Variants in DIP2C observed in about 807,000 individuals in gnomAD.
DIP2C encodes the protein DIP2 acetate--CoA ligase C (putative), also known as disco-interacting protein 2 homolog C.
Under a neutral mutation model 192.4 loss-of-function variants are expected in DIP2C, and 33 were observed. That is an observed-to-expected ratio of 0.17 (90% CI 0.13 to 0.23). DIP2C has a LOEUF of 0.23. Among genes scored for constraint, DIP2C ranks in the 10% least tolerant of loss-of-function variants. The pLI is 1.00. For synonymous variants in DIP2C, 979 were observed against 864.1 expected, an observed-to-expected ratio of 1.13 and a Z score of -2.33; for missense variants, 1,537 against 2,110.1, an observed-to-expected ratio of 0.73 and a Z score of 5.32.
intron 1 of DIP2C, among the ~76,000 whole-genome samples, chr10:531,622 CGGTGTCA>C (rs1197221977): frequency 1.3e-5 from 2 of 152,156 alleles, no homozygotes; most frequent in Admixed American, 1.3e-4. Context: ...TCGGGAAAGG[CGGTGTCA>C]CCGGCAAACC....
intron 3 of DIP2C, chr10:441,215 T>C (rs182127758): frequency 3.3e-5 from 18 of 549,412 alleles, no homozygotes; most frequent in Middle Eastern, 5.0e-4. Context: ...AGAATCCATA[T>C]CCATAAGCAA....
chr10:580,510 CAT>C lies in DIP2C; in HGVS notation c.86-93982_86-93981del, dbSNP rs201546112. Among the ~76,000 whole-genome samples the C allele has an allele frequency of 5.1e-3, 772 of 152,244 alleles. 18 individuals carry two copies. Among genetic ancestry groups the C allele is most frequent in the Admixed American group, 0.038 (576 of 15,294 alleles). ...CAAATAGTGTGGATATAATAGTGCC[CAT>C]AGTTATGCACATATGTACACATGTA... On this transcript the variant is annotated intron_variant, in intron 1 of 36. Transcript: ENST00000280886.
At position 356,548 on chromosome 10, in the gene DIP2C, G is replaced by A. The variant is rs1021558600; in HGVS notation, c.2905-42C>T. 3.8e-6 allele frequency: 6 copies of A among 1,572,638 alleles called. No individual in the cohort carries two copies. The African/African-American group carries it at 8.1e-5, about 21-fold the overall frequency. On this transcript the variant is annotated intron_variant, in intron 23 of 36. Transcript: ENST00000280886. ...GCATGAGGATCAGGCTGTGCGGTTG[G>A]ATCAGGCTGTGCGGGCTGAGGTGGG...
intron 29 of DIP2C, among the ~76,000 whole-genome samples, chr10:331,469 T>G (rs908419851): frequency 6.6e-6 from 1 of 152,206 alleles, no homozygotes; most frequent in Non-Finnish European, 1.5e-5. Context: ...GCTTCAACCA[T>G]GAATCAAAGA....
chr10:609,663 T>C (rs189631633), intron 1 of DIP2C, among the ~76,000 whole-genome samples: 187 of 152,368 alleles, frequency 1.2e-3, no homozygotes, highest in African/African-American at 3.9e-3. Context: ...GGATAACTTG[T>C]GTTTCTTTCC....
chr10:664,305 T>C (rs1250658132), intron 1 of DIP2C: 4 of 152,206 alleles, frequency 2.6e-5, no homozygotes, highest in African/African-American at 9.7e-5. Context: ...CAATTCTCTT[T>C]TGCTCCAGGA....
chr10:485,208 C>T (rs962842973), intron 2 of DIP2C, among the ~76,000 whole-genome samples: 3 of 152,228 alleles, frequency 2.0e-5, no homozygotes, highest in Admixed American at 6.5e-5. Flanking sequence ...AAACCAACAG[C>T]GTCCGTGGCC....
chr10:325,326 T>C (rs913835014), intron 31 of DIP2C, among the ~76,000 whole-genome samples: 4 of 151,128 alleles, frequency 2.6e-5, no homozygotes, highest in African/African-American at 9.7e-5. Context: ...AATGAAAAAG[T>C]AAAGAGGAAA....
At chr10:505,448 C>A (rs1845530236) in intron 1 of DIP2C, among the ~76,000 whole-genome samples, 1 of 152,116 alleles carries the variant, frequency 6.6e-6, no homozygotes, top group South Asian at 2.1e-4. Context: ...TCTATTAACC[C>A]CCTGCCTGAG....
At chr10:658,245 G>T (rs1283079394) in intron 1 of DIP2C, among the ~76,000 whole-genome samples, 1 of 150,652 alleles carries the variant, frequency 6.6e-6, no homozygotes, top group Non-Finnish European at 1.5e-5. Flanking sequence ...CGCTGGACCT[G>T]ATGCTGGACC....
chr10:337,510 T>C (rs1223755781), intron 29 of DIP2C, among the ~76,000 whole-genome samples: 1 of 130,586 alleles, frequency 7.7e-6, no homozygotes, highest in Non-Finnish European at 1.6e-5. Context: ...CTAGACAGTC[T>C]GTGTGTGTGT....
At chr10:660,578 G>C (rs1301833615) in intron 1 of DIP2C, among the ~76,000 whole-genome samples, 2 of 152,212 alleles carry the variant, frequency 1.3e-5, no homozygotes, top group Non-Finnish European at 2.9e-5. Context: ...CAGACAAAGG[G>C]CACAGACTGG....
chr10:662,904 A>G (rs753657842), intron 1 of DIP2C: 21 of 717,428 alleles, frequency 2.9e-5, no homozygotes, highest in Non-Finnish European at 4.7e-5. Flanking sequence ...AGAGGCGTGA[A>G]CACTCTCGGG....
chr10:608,107 ACACACAC>A (rs1164318446), intron 1 of DIP2C, among the ~76,000 whole-genome samples: 2 of 143,646 alleles, frequency 1.4e-5, no homozygotes, highest in South Asian at 2.2e-4. Flanking sequence ...AAAAAGGAAC[ACACACAC>A]CACACACACA....
At chr10:385,118 C>G (rs35546467) in intron 14 of DIP2C, among the ~76,000 whole-genome samples, 1,549 of 151,088 alleles carry the variant, frequency 0.01, 9 homozygotes, top group Non-Finnish European at 0.015. Context: ...AGAAGCAGCT[C>G]TCATGGAGCA....
At chr10:476,752 C>A (rs948199035) in intron 2 of DIP2C, among the ~76,000 whole-genome samples, 9 of 152,176 alleles carry the variant, frequency 5.9e-5, no homozygotes, top group African/African-American at 2.2e-4. Context: ...AGAACAAAAT[C>A]TGGCTTGTTT....
intron 23 of DIP2C, among the ~76,000 whole-genome samples, chr10:357,326 T>C (rs1009105373): frequency 3.3e-5 from 5 of 152,168 alleles, no homozygotes; most frequent in African/African-American, 1.2e-4. Flanking sequence ...TTTGAACTGC[T>C]TCTTAGAGTC....
At chr10:430,695 CAATT>C (rs1404128758) in intron 4 of DIP2C, among the ~76,000 whole-genome samples, 2 of 152,102 alleles carry the variant, frequency 1.3e-5, no homozygotes, top group Non-Finnish European at 2.9e-5. Context: ...TCCAGCTTAT[CAATT>C]ATTTCACACC....
chr10:683,984 C>T (rs1303804823), intron 1 of DIP2C, among the ~76,000 whole-genome samples: 2 of 152,268 alleles, frequency 1.3e-5, no homozygotes, highest in East Asian at 1.9e-4. Context: ...GCCGTCATGG[C>T]TCTCAGGAGG....
Sources: allele counts gnomAD v4.1 joint callset (sites outside exome capture counted in the v4.1 genomes callset), GRCh38; gene constraint gnomAD v4.1.1; transcripts MANE v1.5; gene names NCBI Gene and HGNC (gene_info 2026-07-23, HGNC 2026-07-21).